The following CDO1 variants were observed in gnomAD, a reference collection of about 807,000 sequenced individuals.
The protein encoded by CDO1 is cysteine dioxygenase type 1, also known as cysteine dioxygenase, type I.
CDO1 carries 19 observed loss-of-function variants against 24.5 expected under a neutral mutation model. The ratio of observed to expected loss-of-function variants is 0.77; its 90% CI spans 0.54 to 1.14. The LOEUF is 1.14. Ranked by LOEUF, CDO1 falls within the 50% of genes most tolerant of loss-of-function variation. CDO1 has a pLI of 0.00. For missense variants in CDO1, 244 were observed against 244.8 expected (o/e 1.00, Z 0.02); for synonymous variants, 91 against 87.0 (o/e 1.05, Z -0.26).
intron 3 of CDO1, among the ~76,000 whole-genome samples, chr5:115,809,031 G>A (rs1463777698): frequency 6.6e-6 from 1 of 152,076 alleles, no homozygotes; most frequent in Admixed American, 6.6e-5. Context: ...TCTAAAACTG[G>A]TGCCTAATTC....
Position 115,805,372 on chromosome 5 carries a change from T to G in CDO1, c.*61A>C. ...CTGGATAGCACGTGGTAGGTAGCCT[T>G]TTTGTCCAAGGCAAACATACAGCGA... On this transcript the variant is annotated 3_prime_UTR_variant, in exon 5 of 5. Coordinates refer to ENST00000250535, the MANE Select transcript of CDO1 (RefSeq NM_001801.3). 6.7e-7 allele frequency: 1 copy of G among 1,498,736 alleles called. No homozygotes were observed. Among genetic ancestry groups the G allele is most frequent in the Non-Finnish European group, 9.2e-7 (1 of 1,082,680 alleles). 92.8% of individuals were successfully genotyped at this position (1,498,736 alleles called of 1,614,324 possible).
At chr5:115,816,085 G>A in intron 1 of CDO1, 143 bp downstream of exon 1, 2 of 704,798 alleles carry the variant, frequency 2.8e-6, no homozygotes, top group South Asian at 1.9e-5. Context: ...CAGCCCCGCG[G>A]CTGGCCAGCG....
intron 3 of CDO1, among the ~76,000 whole-genome samples, chr5:115,807,058 G>C (rs1486080345): frequency 6.6e-6 from 1 of 152,150 alleles, no homozygotes; most frequent in African/African-American, 2.4e-5. Flanking sequence ...GTAAGGTCTA[G>C]TCTCTAGAAA....
rs191881781 is a variant in CDO1, at chr5:115,816,587, C to G, written c.-190G>C. 6.0e-5 allele frequency: 37 copies of G among 621,784 alleles called. No individual in the cohort carries two copies. In the East Asian group the frequency reaches 7.3e-4, roughly 12 times the overall value. 38.5% of individuals were successfully genotyped at this position (621,784 alleles called of 1,614,324 possible). ...GCAGAGACAGCAAGAGACCCACCCCCAGGCCCCTGGCAGCGCAGTGGATCC... is the reference window on the plus strand; with the variant it reads ...GCAGAGACAGCAAGAGACCCACCCCGAGGCCCCTGGCAGCGCAGTGGATCC... On this transcript the variant is annotated 5_prime_UTR_variant, in exon 1 of 5. Transcript: ENST00000250535.
At chr5:115,811,456 A>C (rs1031937456) in intron 2 of CDO1, 141 bp from the exon 3 acceptor site, 3 of 589,904 alleles carry the variant, frequency 5.1e-6, no homozygotes, top group Admixed American at 3.2e-5. Flanking sequence ...TGAATTTTTA[A>C]AATGTTATCA....
intron 3 of CDO1, among the ~76,000 whole-genome samples, chr5:115,808,606 T>TA (rs1760052077): frequency 6.6e-6 from 1 of 152,014 alleles, no homozygotes; most frequent in Non-Finnish European, 1.5e-5. Context: ...AGCCTTACAT[T>TA]GTAAGGAATC....
intron 3 of CDO1, 109 bp from the exon 4 acceptor site, chr5:115,806,627 A>G: frequency 1.3e-6 from 1 of 757,560 alleles, no homozygotes; most frequent in Non-Finnish European, 2.1e-6. Context: ...TGCAAATGGA[A>G]TAGATATTAA....
intron 1 of CDO1, 78 bp downstream of exon 1, chr5:115,816,150 G>C (rs1314300278): frequency 6.8e-7 from 1 of 1,462,760 alleles, no homozygotes; most frequent in Non-Finnish European, 9.3e-7. Context: ...AGTCACTTTG[G>C]GCTGCGTCCC....
At chr5:115,811,381 T>C (rs1032754558) in intron 2 of CDO1, 66 bp from the exon 3 acceptor site, 126 of 1,241,006 alleles carry the variant, frequency 1.0e-4, no homozygotes, top group Non-Finnish European at 1.4e-4. Context: ...GCAGTAACAG[T>C]CTTCCCAGAA....
At chr5:115,816,179 A>G in intron 1 of CDO1, 49 bp downstream of exon 1, 3 of 1,580,640 alleles carry the variant, frequency 1.9e-6, no homozygotes, top group Non-Finnish European at 2.6e-6. Flanking sequence ...ATTCCTCCTC[A>G]GACGGGGCGA....
intron 2 of CDO1, 33 bp from the exon 3 acceptor site, chr5:115,811,348 T>C: frequency 6.4e-7 from 1 of 1,560,630 alleles, no homozygotes; most frequent in East Asian, 2.2e-5. Flanking sequence ...CTGAACTCAG[T>C]AGATGGTCTA....
At chr5:115,811,353 G>C in intron 2 of CDO1, 38 bp from the exon 3 acceptor site, 1 of 1,544,102 alleles carries the variant, frequency 6.5e-7, no homozygotes, top group Non-Finnish European at 8.9e-7. Flanking sequence ...CTCAGTAGAT[G>C]GTCTAGTATC....
Position 115,816,303 on chromosome 5 carries a change from T to A in CDO1, c.95A>T (p.Glu32Val). The change falls in exon 1 of 5, where the codon GAG becomes GTG. Residue 32 changes from glutamate to valine, a missense_variant. Coordinates refer to ENST00000250535, the MANE Select transcript of CDO1 (RefSeq NM_001801.3). ...LFAGDEVNVEEVQAIMEAYES... is the reference protein window; with the variant it reads ...LFAGDEVNVEVVQAIMEAYES... ...GTAGGCTTCCATGATGGCCTGCACC[T>A]CCTCTACATTGACCTCATCGCCGGC... 2 of 1,614,150 alleles carry A rather than the reference T, an allele frequency of 1.2e-6. No individual in the cohort carries two copies. Among genetic ancestry groups the A allele is most frequent in the Non-Finnish European group, 1.7e-6 (2 of 1,180,020 alleles).
chr5:115,808,582 C>G (rs1013766774), intron 3 of CDO1, among the ~76,000 whole-genome samples: 3 of 151,978 alleles, frequency 2.0e-5, no homozygotes, highest in African/African-American at 7.2e-5. Flanking sequence ...AAAGGGAAAG[C>G]TTGAGAGAAT....
At chr5:115,815,474 GA>G (rs1300483216) in intron 1 of CDO1, among the ~76,000 whole-genome samples, 1 of 151,820 alleles carries the variant, frequency 6.6e-6, no homozygotes, top group African/African-American at 2.4e-5. Context: ...TTTGGGGGCT[GA>G]AAAAAACGAC....
In CDO1 at chr5:115,805,514, T is replaced by C. The variant is rs556189819; in HGVS notation, c.574-52A>G. ...TGTGTAAGAAACTTTACAAAAGACA[T>C]TTTAACTCCTTCTAAATAGTTCTGC... is the stretch of plus-strand genomic sequence containing the variant. On this transcript the variant is annotated intron_variant, in intron 4 of 4. Coordinates refer to ENST00000250535, the MANE Select transcript of CDO1 (RefSeq NM_001801.3). 5.8e-4 allele frequency: 874 copies of C among 1,517,100 alleles called. 9 individuals carry two copies. The South Asian group carries it at 9.6e-3, about 17-fold the overall frequency. The allele number at this position is 1,517,100 out of a possible 1,614,324, so 94.0% of individuals were successfully genotyped here. A position where few individuals can be genotyped will look rare whatever the true frequency, so the allele number is the denominator to read the frequency against.
In CDO1 at chr5:115,813,110, C is replaced by A. The variant is rs182442966; in HGVS notation, c.248+71G>T. On this transcript the variant is annotated intron_variant, in intron 2 of 4. Transcript: ENST00000250535. ...TACTACTTGTAAGACCTGTGGCTAG[C>A]CTGGTACTATATTTTTCATATGCTA... is the stretch of plus-strand genomic sequence containing the variant. 8.2e-4 allele frequency: 671 copies of A among 815,888 alleles called. 2 individuals carry two copies. The African/African-American group carries it at 0.01, about 12-fold the overall frequency. 50.5% of individuals were successfully genotyped at this position (815,888 alleles called of 1,614,324 possible).
intron 2 of CDO1, among the ~76,000 whole-genome samples, chr5:115,811,801 T>C (rs996199922): frequency 6.6e-5 from 10 of 152,176 alleles, no homozygotes; most frequent in Admixed American, 3.3e-4. Context: ...CTCCTTCCTT[T>C]GGGGAGCTGT....
chr5:115,806,436 A>T lies in CDO1; in HGVS notation c.486T>A (p.Asp162Glu). The change falls in exon 4 of 5, where the codon GAT becomes GAA. Residue 162 changes from aspartate to glutamate, a missense_variant. Physicochemically the swap from Asp to Glu is conservative, Grantham distance 45. Transcript: ENST00000250535. ...VSLHLYSPPF[D>E]TCHAFDQRTG... ...TTCTTTGATCAAAGGCATGGCATGT[A>T]TCAAAAGGTGGACTGTACAAGTGAA... The T allele has an allele frequency of 6.2e-7, 1 of 1,612,916 alleles. No individual in the cohort carries two copies. Among genetic ancestry groups the T allele is most frequent in the Non-Finnish European group, 8.5e-7 (1 of 1,179,496 alleles).
Sources: gnomAD v4.1 joint callset for allele counts (sites outside exome capture counted in the v4.1 genomes callset) on GRCh38, gnomAD v4.1.1 for gene constraint, MANE v1.5 for transcripts, NCBI Gene and HGNC (gene_info 2026-07-23, HGNC 2026-07-21) for gene names.